TEK: variants seen among roughly 807,000 people sequenced by gnomAD.
TEK encodes the protein TEK receptor tyrosine kinase.
In TEK, 43 loss-of-function variants were observed where a neutral mutation model predicts 131.8. That is an observed-to-expected ratio of 0.33 (90% confidence interval 0.26 to 0.42). The LOEUF is 0.42. Ranked by LOEUF, TEK falls within the 10% of genes least tolerant of loss-of-function variation. The probability of loss-of-function intolerance (pLI) is 1.00; values close to 1 mark genes in which losing one functional copy is unlikely to be tolerated. For synonymous variants in TEK, 580 were observed against 491.6 expected, an observed-to-expected ratio of 1.18 and a Z score of -2.38; for missense variants, 1,162 against 1,384.4, an observed-to-expected ratio of 0.84 and a Z score of 2.55.
chr9:27,201,368 A>T (rs879140411), intron 12 of TEK, among the ~76,000 whole-genome samples: 6 of 152,206 alleles, frequency 3.9e-5, no homozygotes, highest in Non-Finnish European at 8.8e-5. Context: ...CTGGTTTATG[A>T]AGTTGAATTT....
chr9:27,219,222 G>A (rs1376433746), intron 20 of TEK, among the ~76,000 whole-genome samples: 1 of 152,096 alleles, frequency 6.6e-6, no homozygotes, highest in East Asian at 1.9e-4. Flanking sequence ...AAACTGGAAG[G>A]CACTACACAG....
intron 2 of TEK, among the ~76,000 whole-genome samples, chr9:27,164,210 T>A (rs572849264): frequency 3.2e-4 from 49 of 152,324 alleles, no homozygotes; most frequent in African/African-American, 1.2e-3. Flanking sequence ...TCTGTAAAAT[T>A]AGGATAATTG....
rs753021890 is a variant in TEK at position 27,168,578 on chromosome 9, G to T, written c.448G>T (p.Glu150Ter). 1 of 1,613,350 alleles carries T rather than the reference G, an allele frequency of 6.2e-7. No homozygotes were observed. Among genetic ancestry groups the T allele is most frequent in the Non-Finnish European group, 8.5e-7 (1 of 1,179,542 alleles). The change falls in exon 3 of 23, where the codon GAA (glutamate) becomes TAA (stop). Residue 150 changes from glutamate (E) to a stop codon, truncating the protein, a stop_gained. Coordinates refer to ENST00000380036, the MANE Select transcript of TEK (RefSeq NM_000459.5). LOFTEE classifies it high-confidence loss of function. ...ATCTTTCAAAAAGGTATTGATTAAAGAAGAAGATGCAGTGATTTACAAAAA... is the reference window on the plus strand; with the variant it reads ...ATCTTTCAAAAAGGTATTGATTAAATAAGAAGATGCAGTGATTTACAAAAA... ...NISFKKVLIK[E>*]EDAVIYKNGS...
At chr9:27,137,546 G>A (rs143655392) in intron 1 of TEK, among the ~76,000 whole-genome samples, 94 of 152,164 alleles carry the variant, frequency 6.2e-4, no homozygotes, top group African/African-American at 2.1e-3. Flanking sequence ...TTTTTGGTGA[G>A]ATAAGTTAGG....
At chr9:27,216,326 G>C (rs1216950069) in intron 18 of TEK, among the ~76,000 whole-genome samples, 1 of 152,090 alleles carries the variant, frequency 6.6e-6, no homozygotes, top group African/African-American at 2.4e-5. Flanking sequence ...ATGGTGGACT[G>C]AACTGAGGTG....
intron 1 of TEK, among the ~76,000 whole-genome samples, chr9:27,151,827 A>T (rs1176070089): frequency 2.0e-5 from 3 of 152,238 alleles, no homozygotes; most frequent in Non-Finnish European, 4.4e-5. Context: ...AAACAACTTA[A>T]TGAGTGCTTT....
At chr9:27,186,501 A>G (rs960840924) in intron 9 of TEK, among the ~76,000 whole-genome samples, 5 of 152,214 alleles carry the variant, frequency 3.3e-5, no homozygotes, top group African/African-American at 1.2e-4. Context: ...GTACATGTTC[A>G]GACACAATTT....
At chr9:27,168,848 C>T (rs1392601250) in intron 3 of TEK, among the ~76,000 whole-genome samples, 1 of 152,028 alleles carries the variant, frequency 6.6e-6, no homozygotes, top group African/African-American at 2.4e-5. Context: ...ACAATAAAAC[C>T]CCATCATAAT....
chr9:27,177,177 T>C (rs186011866), intron 6 of TEK, among the ~76,000 whole-genome samples: 3 of 152,334 alleles, frequency 2.0e-5, no homozygotes, highest in Admixed American at 6.5e-5. Flanking sequence ...CTCTTTGAGA[T>C]AGTGATTTCA....
intron 9 of TEK, among the ~76,000 whole-genome samples, chr9:27,188,930 G>T (rs769115828): frequency 3.2e-4 from 49 of 152,138 alleles, no homozygotes; most frequent in Non-Finnish European, 6.2e-4. Context: ...GGGCAGGGCT[G>T]GAGTGGTGAC....
chr9:27,139,212 CAAA>C (rs746301649), intron 1 of TEK, among the ~76,000 whole-genome samples: 1 of 57,400 alleles, frequency 1.7e-5, no homozygotes, highest in Non-Finnish European at 3.3e-5. Context: ...GACTCTGTCT[CAAA>C]AAAAAAAAAA....
At chr9:27,218,616 A>G (rs912859446) in intron 19 of TEK, among the ~76,000 whole-genome samples, 161 bp from the exon 20 acceptor site, 1 of 152,200 alleles carries the variant, frequency 6.6e-6, no homozygotes, top group Admixed American at 6.5e-5. Context: ...CATTGAGCTA[A>G]GAGGAGAGAA....
At chr9:27,158,637 T>C (rs1823428563) in intron 2 of TEK, among the ~76,000 whole-genome samples, 1 of 151,662 alleles carries the variant, frequency 6.6e-6, no homozygotes, top group Admixed American at 6.6e-5. Flanking sequence ...TAATTAGTTA[T>C]TTGGTATATC....
At chr9:27,117,581 G>T (rs1821619244) in intron 1 of TEK, among the ~76,000 whole-genome samples, 1 of 152,144 alleles carries the variant, frequency 6.6e-6, no homozygotes, top group Admixed American at 6.5e-5. Context: ...ACGTGGATGT[G>T]CCAGATGCAG....
intron 6 of TEK, 133 bp from the exon 7 acceptor site, chr9:27,180,107 A>T: frequency 7.6e-7 from 1 of 1,307,988 alleles, no homozygotes; most frequent in South Asian, 1.2e-5. Flanking sequence ...GGTAATTCAG[A>T]TAAATTACCC....
chr9:27,192,684 G>C (rs1237164602), intron 11 of TEK, 61 bp downstream of exon 11: 1 of 1,160,480 alleles, frequency 8.6e-7, no homozygotes, highest in Non-Finnish European at 1.2e-6. Context: ...GAAGGGGAAA[G>C]AGGAAGGAAG....
At chr9:27,194,873 T>C (rs1824950656) in intron 11 of TEK, among the ~76,000 whole-genome samples, 1 of 151,562 alleles carries the variant, frequency 6.6e-6, no homozygotes, top group African/African-American at 2.4e-5. Flanking sequence ...GGCCAGGGAG[T>C]CCGGGAGGGG....
chr9:27,218,201 T>G (rs1825900068), intron 19 of TEK, among the ~76,000 whole-genome samples: 2 of 150,934 alleles, frequency 1.3e-5, no homozygotes, highest in Non-Finnish European at 1.5e-5. Flanking sequence ...AGGATTGGCT[T>G]GAGATTTAGG....
At position 27,173,375 on chromosome 9, in the gene TEK, C is replaced by G; in HGVS notation, c.901+13C>G. On this transcript the variant is annotated intron_variant, in intron 6 of 22. Coordinates refer to ENST00000380036, the MANE Select transcript of TEK (RefSeq NM_000459.5). Reference sequence around the variant, plus strand: ...CAGTGCAATGAAGGTATGCACCAATCACACCCTTGGACAGAGGATGTTCTA... The same window carrying G: ...CAGTGCAATGAAGGTATGCACCAATGACACCCTTGGACAGAGGATGTTCTA... The G allele has an allele frequency of 6.2e-7, 1 of 1,613,758 alleles. No individual in the cohort carries two copies. Among genetic ancestry groups the G allele is most frequent in the Non-Finnish European group, 8.5e-7 (1 of 1,179,768 alleles).
Sources: allele counts gnomAD v4.1 joint callset (sites outside exome capture counted in the v4.1 genomes callset), GRCh38; gene constraint gnomAD v4.1.1; transcripts MANE v1.5; gene names NCBI Gene and HGNC (gene_info 2026-07-23, HGNC 2026-07-21).